ZDBF2: variants seen among roughly 807,000 people sequenced by gnomAD.
ZDBF2 encodes the protein zinc finger DBF-type containing 2, also known as DBF4-type zinc finger-containing protein 2.
In ZDBF2, 6 loss-of-function variants were observed where a neutral mutation model predicts 9.4. That is an observed-to-expected ratio of 0.64 (90% confidence interval 0.35 to 1.27). ZDBF2 has a LOEUF of 1.27. Ranked by LOEUF, ZDBF2 falls within the 50% of genes most tolerant of loss-of-function variation. The probability of loss-of-function intolerance (pLI) is 0.03; values close to 1 mark genes in which losing one functional copy is unlikely to be tolerated. For missense variants in ZDBF2, 2,697 were observed against 2,766.8 expected (o/e 0.97, Z 0.57); for synonymous variants, 905 against 946.3 (o/e 0.96, Z 0.80).
At chr2:206,291,322 A>G (rs902476582) in intron 3 of ZDBF2, among the ~76,000 whole-genome samples, 4 of 152,152 alleles carry the variant, frequency 2.6e-5, no homozygotes, top group African/African-American at 9.7e-5. Flanking sequence ...AGTTCACAAT[A>G]GAGTTTACGC....
chr2:206,304,592 G>T, intron 4 of ZDBF2, 125 bp from the exon 5 acceptor site: 1 of 1,211,174 alleles, frequency 8.3e-7, no homozygotes, highest in Non-Finnish European at 1.1e-6. Context: ...TGGGGTGACT[G>T]CCTGGATTCC....
rs1408138198 is a variant in ZDBF2, at chr2:206,309,152, G to A, written c.4624G>A (p.Asp1542Asn). ...TGATAGTGATTATGAAGTAATTTCAGATGATATTCCCCTTCAGTTAGTGAC... is the reference window on the plus strand; with the variant it reads ...TGATAGTGATTATGAAGTAATTTCAAATGATATTCCCCTTCAGTTAGTGAC... Reference protein sequence around the residue: ...PGDSDYEVISDDIPLQLVTDP... With the variant: ...PGDSDYEVISNDIPLQLVTDP... Residue 1542 changes from aspartate (D) to asparagine (N), a missense_variant, in exon 5 of 5, where the codon GAT (aspartate) becomes AAT (asparagine). Physicochemically the swap from Asp to Asn is conservative, Grantham distance 23. This residue lies in a region of ZDBF2 where 1,783 missense variants were observed against 1,776.5 expected (regional missense o/e 1.00). Transcript: ENST00000374423. 1.2e-6 allele frequency: 2 copies of A among 1,612,306 alleles called. No individual in the cohort carries two copies. Among genetic ancestry groups the A allele is most frequent in the Non-Finnish European group, 1.7e-6 (2 of 1,179,096 alleles).
Position 206,301,280 on chromosome 2 carries a change from ATTGT to A in ZDBF2, c.189-3432_189-3429del, listed in dbSNP as rs201531977. ...TGTTACAGATTTTTTTCAGAACCTA[ATTGT>A]TTGTCTTTTAACTGTATATGTTATT... On this transcript the variant is annotated intron_variant, in intron 4 of 4. Coordinates refer to ENST00000374423, the MANE Select transcript of ZDBF2 (RefSeq NM_020923.3). 9.0e-3 allele frequency among the ~76,000 whole-genome samples: 1,371 copies of A among 152,118 alleles called. 3 individuals carry two copies. The highest frequency in any genetic ancestry group is 0.014 in the Non-Finnish European group (953 of 67,984).
Position 206,311,752 on chromosome 2 carries a change from T to C in ZDBF2, c.*159T>C. Reference sequence around the variant, plus strand: ...TCAGAATTTTTATATTCATTTAAAATTAGTGTTTAGAGTCCTTTCATTTTA... The same window carrying C: ...TCAGAATTTTTATATTCATTTAAAACTAGTGTTTAGAGTCCTTTCATTTTA... On this transcript the variant is annotated 3_prime_UTR_variant, in exon 5 of 5. Coordinates refer to ENST00000374423, the MANE Select transcript of ZDBF2 (RefSeq NM_020923.3). 1 of 761,142 alleles carries C rather than the reference T, an allele frequency of 1.3e-6. No individual in the cohort carries two copies. The highest frequency in any genetic ancestry group is 1.8e-6 in the Non-Finnish European group (1 of 548,006). 47.1% of individuals were successfully genotyped at this position (761,142 alleles called of 1,614,324 possible). A position where few individuals can be genotyped will look rare whatever the true frequency, so the allele number is the denominator to read the frequency against.
chr2:206,285,312 T>C (rs1691544266), intron 3 of ZDBF2, among the ~76,000 whole-genome samples: 3 of 152,210 alleles, frequency 2.0e-5, no homozygotes, highest in Admixed American at 1.3e-4. Context: ...CAGTGTGTTA[T>C]TTTTTGTCTT....
chr2:206,304,673 C>A (rs1303111051), intron 4 of ZDBF2, 44 bp from the exon 5 acceptor site: 1 of 1,538,190 alleles, frequency 6.5e-7, no homozygotes, highest in Middle Eastern at 2.3e-4. Context: ...ATATTTTAAA[C>A]AGACATTAGA....
intron 3 of ZDBF2, among the ~76,000 whole-genome samples, chr2:206,286,399 T>A (rs1691601241): frequency 6.6e-6 from 1 of 152,206 alleles, no homozygotes; most frequent in Non-Finnish European, 1.5e-5. Flanking sequence ...TCTTGCTGAG[T>A]TGATCCCTTT....
At position 206,306,501 on chromosome 2, in the gene ZDBF2, A is replaced by T. The variant is rs1319110464; in HGVS notation, c.1973A>T (p.Asp658Val). 5.0e-6 allele frequency: 8 copies of T among 1,613,704 alleles called. No homozygotes were observed. In the South Asian group the frequency reaches 5.5e-5, roughly 11 times the overall value. The change falls in exon 5 of 5, where the codon GAT (aspartate) becomes GTT (valine). Residue 658 changes from aspartate (D) to valine (V), a missense_variant. Asp to Val is a radical substitution (Grantham distance 152). Coordinates refer to ENST00000374423, the MANE Select transcript of ZDBF2 (RefSeq NM_020923.3). ...LLKEKNADLM[D>V]MNCESHGPEM... is the part of the protein sequence containing the mutation. The stretch of plus-strand genomic sequence containing the variant: ...AAGGAGAAGAATGCTGACCTTATGG[A>T]TATGAACTGTGAATCCCATGGTCCT...
chr2:206,280,434 GTTTA>G (rs1332234615), intron 2 of ZDBF2, among the ~76,000 whole-genome samples: 1 of 152,126 alleles, frequency 6.6e-6, no homozygotes, highest in East Asian at 1.9e-4. Flanking sequence ...TCCCCCAAAA[GTTTA>G]TTTTAGGATT....
In ZDBF2 at chr2:206,310,624, C is replaced by T. The variant is rs757281324; in HGVS notation, c.6096C>T (p.His2032=). ...GCCTTCCTTTCCCTAAAATGAGGCA[C>T]CATAGTTGGGATAATGATATTCGGT... is the stretch of plus-strand genomic sequence containing the variant. ...GEGLPFPKMR[H]HSWDNDIRFI... Residue 2032 remains histidine, a synonymous_variant, in exon 5 of 5, where the codon CAC becomes CAT. Transcript: ENST00000374423. 1 of 1,609,228 alleles carries T rather than the reference C, an allele frequency of 6.2e-7. No homozygotes were observed. Among genetic ancestry groups the T allele is most frequent in the South Asian group, 1.1e-5 (1 of 90,510 alleles).
Position 206,305,510 on chromosome 2 carries a change from A to G in ZDBF2, c.982A>G (p.Lys328Glu), listed in dbSNP as rs779772025. 3 of 1,613,448 alleles carry G rather than the reference A, an allele frequency of 1.9e-6. No homozygotes were observed. The highest frequency in any genetic ancestry group is 2.5e-6 in the Non-Finnish European group (3 of 1,179,758). ...AGGAATCTTTGAAGATACTATTGCA[A>G]AGAACCATGAGGAATTCTTTTCTAA... ...NKGIFEDTIA[K>E]NHEEFFSNMD... The change falls in exon 5 of 5, where the codon AAG (lysine) becomes GAG (glutamate). Residue 328 changes from lysine (K) to glutamate (E), a missense_variant. By Grantham distance (56) the Lys-to-Glu change is moderately conservative. Coordinates refer to ENST00000374423, the MANE Select transcript of ZDBF2 (RefSeq NM_020923.3).
chr2:206,283,312 C>T (rs570984883), intron 3 of ZDBF2, among the ~76,000 whole-genome samples: 1 of 152,180 alleles, frequency 6.6e-6, no homozygotes, highest in South Asian at 2.1e-4. Context: ...AGTGGCTGTA[C>T]CTTACCACCA....
chr2:206,277,020 C>G (rs1432652376), intron 1 of ZDBF2, among the ~76,000 whole-genome samples: 2 of 152,104 alleles, frequency 1.3e-5, no homozygotes, highest in Non-Finnish European at 2.9e-5. Context: ...TCAATTGTTT[C>G]CCTACTGCTG....
intron 2 of ZDBF2, among the ~76,000 whole-genome samples, chr2:206,281,057 C>A (rs778229867): frequency 1.2e-4 from 19 of 152,230 alleles, no homozygotes; most frequent in Non-Finnish European, 2.2e-4. Flanking sequence ...AATTCTGAAT[C>A]CTAGGCTCAC....
Position 206,308,999 on chromosome 2 carries a change from G to GA in ZDBF2, c.4472dup (p.Asp1491GlufsTer4). 1 of 1,613,758 alleles carries GA rather than the reference G, an allele frequency of 6.2e-7. No individual in the cohort carries two copies. The highest frequency in any genetic ancestry group is 8.5e-7 in the Non-Finnish European group (1 of 1,179,812). ...GCATGTTGTCATGGAAGAAAAGACC[G>GA]ATCAACCTAGTGATTCAGAAATGAT... On this transcript the variant is annotated frameshift_variant, in exon 5 of 5. Transcript: ENST00000374423. LOFTEE classifies it low-confidence loss of function (END_TRUNC).
chr2:206,308,580 A>G lies in ZDBF2; in HGVS notation c.4052A>G (p.His1351Arg), dbSNP rs1315840687. The G allele has an allele frequency of 1.9e-6, 3 of 1,613,648 alleles. No homozygotes were observed. Among genetic ancestry groups the G allele is most frequent in the East Asian group, 2.2e-5 (1 of 44,868 alleles). Reference sequence around the variant, plus strand: ...CAACCACACATTTTGGAAGAGGAGCATGCCAGTCTGGAAGATAAGAGCAGT... The same window carrying G: ...CAACCACACATTTTGGAAGAGGAGCGTGCCAGTCTGGAAGATAAGAGCAGT... ...IKQPHILEEE[H>R]ASLEDKSSNS... The change falls in exon 5 of 5, where the codon CAT (histidine) becomes CGT (arginine). Residue 1351 changes from histidine to arginine, a missense_variant. This residue lies in a region of ZDBF2 where 1,783 missense variants were observed against 1,776.5 expected (regional missense o/e 1.00). Coordinates refer to ENST00000374423, the MANE Select transcript of ZDBF2 (RefSeq NM_020923.3).
In ZDBF2 at chr2:206,310,592, G is replaced by A. The variant is rs753711144; in HGVS notation, c.6064G>A (p.Gly2022Ser). 6.2e-7 allele frequency: 1 copy of A among 1,611,032 alleles called. No homozygotes were observed. The highest frequency in any genetic ancestry group is 8.5e-7 in the Non-Finnish European group (1 of 1,178,310). Reference protein sequence around the residue: ...LSSLNIKLKEGEGLPFPKMRH... With the variant: ...LSSLNIKLKESEGLPFPKMRH... Reference sequence around the variant, plus strand: ...TTCTTTAAATATTAAACTGAAAGAGGGTGAAGGCCTTCCTTTCCCTAAAAT... The same window carrying A: ...TTCTTTAAATATTAAACTGAAAGAGAGTGAAGGCCTTCCTTTCCCTAAAAT... The change falls in exon 5 of 5, where the codon GGT becomes AGT. Residue 2022 changes from glycine to serine, a missense_variant. Physicochemically the swap from Gly to Ser is moderately conservative, Grantham distance 56. Coordinates refer to ENST00000374423, the MANE Select transcript of ZDBF2 (RefSeq NM_020923.3).
intron 4 of ZDBF2, among the ~76,000 whole-genome samples, chr2:206,301,682 C>T (rs1692508281): frequency 6.6e-6 from 1 of 151,880 alleles, no homozygotes; most frequent in African/African-American, 2.4e-5. Flanking sequence ...AAAACATTTC[C>T]TTTCTGTTTC....
At position 206,308,915 on chromosome 2, in the gene ZDBF2, C is replaced by T; in HGVS notation, c.4387C>T (p.Gln1463Ter). Reference protein sequence around the residue: ...EIKCHSCVHLQSEVDQPQVSY... With the variant: ...EIKCHSCVHL ...AAAATGTCATTCTTGTGTTCATCTT[C>T]AGTCAGAAGTTGACCAACCTCAAGT... is the stretch of plus-strand genomic sequence containing the variant. Residue 1463 changes from glutamine (Q) to a stop codon, truncating the protein, a stop_gained, in exon 5 of 5, where the codon CAG becomes TAG. Coordinates refer to ENST00000374423, the MANE Select transcript of ZDBF2 (RefSeq NM_020923.3). LOFTEE classifies it low-confidence loss of function (END_TRUNC). 6.2e-7 allele frequency: 1 copy of T among 1,612,930 alleles called. No individual in the cohort carries two copies. Among genetic ancestry groups the T allele is most frequent in the Non-Finnish European group, 8.5e-7 (1 of 1,179,382 alleles).
Sources: gnomAD v4.1 joint callset for allele counts (sites outside exome capture counted in the v4.1 genomes callset) on GRCh38, gnomAD v4.1.1 for gene constraint, gnomAD v4.1.1 regional missense constraint, MANE v1.5 for transcripts, NCBI Gene and HGNC (gene_info 2026-07-23, HGNC 2026-07-21) for gene names.